The following TM9SF2 variants were observed in gnomAD, a reference collection of about 807,000 sequenced individuals.
The protein encoded by TM9SF2 is transmembrane 9 superfamily member 2, also known as 76 kDa membrane protein.
TM9SF2 carries 13 observed loss-of-function variants against 84.9 expected under a neutral mutation model. The observed-to-expected ratio is 0.15, with a 90% confidence interval of 0.10 to 0.24. The LOEUF is 0.24. TM9SF2 is among the 10% of genes least tolerant of loss of function. The pLI is 1.00. For synonymous variants in TM9SF2, 273 were observed against 285.8 expected (o/e 0.96, Z 0.45); for missense variants, 562 against 818.5 (o/e 0.69, Z 3.82).
At chr13:99,520,696 G>A (rs1286072909) in intron 3 of TM9SF2, among the ~76,000 whole-genome samples, 1 of 152,176 alleles carries the variant, frequency 6.6e-6, no homozygotes, top group African/African-American at 2.4e-5. Flanking sequence ...AGCTTCCCGA[G>A]TAGCTGGGAC....
In TM9SF2 at chr13:99,559,471, G is replaced by A; in HGVS notation, c.1861G>A (p.Ala621Thr). 6.2e-7 allele frequency: 1 copy of A among 1,614,050 alleles called. No homozygotes were observed. Among genetic ancestry groups the A allele is most frequent in the Non-Finnish European group, 8.5e-7 (1 of 1,179,970 alleles). The change falls in exon 16 of 17, where the codon GCA becomes ACA. Residue 621 changes from alanine (A) to threonine (T), a missense_variant. By Grantham distance (58) the Ala-to-Thr change is moderately conservative. Coordinates refer to ENST00000376387, the MANE Select transcript of TM9SF2 (RefSeq NM_004800.3). ...FFSKLQITGT[A>T]STILYFGYTM... ...TTCAAAACTGCAGATCACGGGAACA[G>A]CAAGCACAATTCTGTACTTTGGTTA...
intron 10 of TM9SF2, among the ~76,000 whole-genome samples, chr13:99,545,809 C>T (rs2046280097): frequency 6.6e-6 from 1 of 152,096 alleles, no homozygotes; most frequent in South Asian, 2.1e-4. Context: ...TCGTGATCCG[C>T]CCGCCTCGGC....
At chr13:99,516,286 G>C (rs1026247002) in intron 1 of TM9SF2, among the ~76,000 whole-genome samples, 5 of 152,214 alleles carry the variant, frequency 3.3e-5, no homozygotes, top group Non-Finnish European at 5.9e-5. Flanking sequence ...TGCTTTGGGG[G>C]ATGTTAGCAA....
intron 1 of TM9SF2, among the ~76,000 whole-genome samples, chr13:99,508,418 C>CACAT (rs934542773): frequency 8.6e-5 from 13 of 150,862 alleles, no homozygotes; most frequent in South Asian, 2.1e-4. Flanking sequence ...CACACACACA[C>CACAT]ACACACACAC....
In TM9SF2 at chr13:99,529,605, AATATTTTCG is replaced by A; in HGVS notation, c.461+14_461+22del. 2 of 1,540,780 alleles carry A rather than the reference AATATTTTCG, an allele frequency of 1.3e-6. No homozygotes were observed. Among genetic ancestry groups the A allele is most frequent in the Non-Finnish European group, 1.7e-6 (2 of 1,151,496 alleles). ...TTATCAACATCACTGGTAAGGCATGAATATTTTCGATTTTGGGGTTTATCCTTTCCATAT... is the reference window on the plus strand; with the variant it reads ...TTATCAACATCACTGGTAAGGCATGAATTTTGGGGTTTATCCTTTCCATAT... On this transcript the variant is annotated intron_variant, in intron 4 of 16. Transcript: ENST00000376387.
chr13:99,536,299 GTTTTTTTTT>G (rs540336278), intron 4 of TM9SF2, among the ~76,000 whole-genome samples: 28 of 139,688 alleles, frequency 2.0e-4, no homozygotes, highest in South Asian at 2.3e-4. Flanking sequence ...AGTTTTTTTT[GTTTTTTTTT>G]TTTTCTTTTT....
chr13:99,522,490 G>A (rs1443199973), intron 3 of TM9SF2, among the ~76,000 whole-genome samples: 1 of 152,212 alleles, frequency 6.6e-6, no homozygotes, highest in Non-Finnish European at 1.5e-5. Context: ...TGTAACTTGC[G>A]AAACACCTCT....
chr13:99,503,757 G>A (rs1257221188), intron 1 of TM9SF2, among the ~76,000 whole-genome samples: 1 of 151,018 alleles, frequency 6.6e-6, no homozygotes, highest in South Asian at 2.1e-4. Context: ...ATTTGAGATG[G>A]ACTTAGAAAA....
chr13:99,520,567 T>G (rs987928536), intron 3 of TM9SF2, among the ~76,000 whole-genome samples: 1 of 152,136 alleles, frequency 6.6e-6, no homozygotes, highest in African/African-American at 2.4e-5. Flanking sequence ...TTTTGGAAGC[T>G]AATCTTTCTT....
At chr13:99,542,936 G>T (rs759971219) in intron 9 of TM9SF2, among the ~76,000 whole-genome samples, 1 of 152,080 alleles carries the variant, frequency 6.6e-6, no homozygotes, top group Non-Finnish European at 1.5e-5. Flanking sequence ...TCTTGAGCAC[G>T]GCCCTCCAGG....
rs1285096282 is a variant in TM9SF2 at position 99,536,605 on chromosome 13, T to C, written c.462-3T>C. ...CTAACTTAACTCCTCTTTCCATGTG[T>C]AGGATTGTGGATAATATGCCTGTAA... On this transcript the variant is annotated splice_region_variant and splice_polypyrimidine_tract_variant and intron_variant, in intron 4 of 16. Coordinates refer to ENST00000376387, the MANE Select transcript of TM9SF2 (RefSeq NM_004800.3). 1.9e-6 allele frequency: 3 copies of C among 1,612,932 alleles called. No homozygotes were observed. Among genetic ancestry groups the C allele is most frequent in the Non-Finnish European group, 2.5e-6 (3 of 1,179,208 alleles).
chr13:99,525,097 C>T (rs2046176540), intron 3 of TM9SF2, among the ~76,000 whole-genome samples: 1 of 151,984 alleles, frequency 6.6e-6, no homozygotes, highest in Non-Finnish European at 1.5e-5. Context: ...TGAAAGCAGC[C>T]GTGATAGAAT....
chr13:99,511,623 T>C (rs2046114055), intron 1 of TM9SF2, among the ~76,000 whole-genome samples: 1 of 152,242 alleles, frequency 6.6e-6, no homozygotes. Flanking sequence ...ATGGTAATTC[T>C]TGAAATTTCA....
chr13:99,550,945 ATCT>A (rs2046303569), intron 12 of TM9SF2, among the ~76,000 whole-genome samples: 2 of 152,222 alleles, frequency 1.3e-5, no homozygotes, highest in Admixed American at 6.5e-5. Flanking sequence ...GGTGGATTTC[ATCT>A]TATTATTTAT....
At chr13:99,537,938 A>G (rs774347642) in intron 6 of TM9SF2, 75 bp downstream of exon 6, 10 of 1,499,504 alleles carry the variant, frequency 6.7e-6, no homozygotes, top group East Asian at 2.5e-5. Flanking sequence ...TTGGGGCTCA[A>G]TTACTCCTTA....
chr13:99,526,198 G>A (rs1046538608), intron 3 of TM9SF2, among the ~76,000 whole-genome samples: 2 of 152,238 alleles, frequency 1.3e-5, no homozygotes, highest in Admixed American at 1.3e-4. Flanking sequence ...GAGCAGGAGT[G>A]TGGAGCGGCT....
intron 10 of TM9SF2, among the ~76,000 whole-genome samples, chr13:99,545,844 C>T (rs1176190407): frequency 2.0e-5 from 3 of 152,162 alleles, no homozygotes; most frequent in African/African-American, 7.2e-5. Context: ...GGGTTACAGG[C>T]GTGAGCTACC....
intron 9 of TM9SF2, among the ~76,000 whole-genome samples, chr13:99,541,916 G>A (rs745610406): frequency 2.6e-5 from 4 of 152,074 alleles, no homozygotes; most frequent in South Asian, 4.1e-4. Context: ...TTGGGAGGCC[G>A]GGGTGGGCGG....
intron 3 of TM9SF2, among the ~76,000 whole-genome samples, chr13:99,523,247 G>A (rs1594049663): frequency 6.6e-6 from 1 of 152,090 alleles, no homozygotes; most frequent in Non-Finnish European, 1.5e-5. Context: ...GAACTCCCAG[G>A]CTCAATAAAT....
Sources: gnomAD v4.1 joint callset for allele counts (sites outside exome capture counted in the v4.1 genomes callset) on GRCh38, gnomAD v4.1.1 for gene constraint, MANE v1.5 for transcripts, NCBI Gene and HGNC (gene_info 2026-07-23, HGNC 2026-07-21) for gene names.